The following SCGB2A1 variants were observed in gnomAD, a reference collection of about 807,000 sequenced individuals.
SCGB2A1 encodes the protein secretoglobin family 2A member 1.
Under a neutral mutation model 9.2 loss-of-function variants are expected in SCGB2A1, and 6 were observed. That is an observed-to-expected ratio of 0.66 (90% CI 0.36 to 1.29). SCGB2A1 has a LOEUF of 1.29. SCGB2A1 is among the 50% of genes most tolerant of loss of function. SCGB2A1 has a pLI of 0.03. For missense variants in SCGB2A1, 138 were observed against 116.9 expected, an observed-to-expected ratio of 1.18 and a Z score of -0.83; for synonymous variants, 37 against 41.0, an observed-to-expected ratio of 0.90 and a Z score of 0.37.
chr11:62,210,906 CG>C (rs1265606091), intron 2 of SCGB2A1, among the ~76,000 whole-genome samples: 1 of 149,280 alleles, frequency 6.7e-6, no homozygotes, highest in Non-Finnish European at 1.5e-5. Flanking sequence ...CACAGACACA[CG>C]GGGACAGGCA....
chr11:62,210,298 G>A, intron 1 of SCGB2A1, 115 bp from the exon 2 acceptor site: 2 of 1,293,182 alleles, frequency 1.5e-6, no homozygotes, highest in South Asian at 3.2e-5. Flanking sequence ...CTGAACCTCG[G>A]TCTGTCCCTG....
At position 62,213,913 on chromosome 11, in the gene SCGB2A1, A is replaced by T; in HGVS notation, c.*143A>T. 1.6e-6 allele frequency: 1 copy of T among 621,684 alleles called. No homozygotes were observed. Among genetic ancestry groups the T allele is most frequent in the Non-Finnish European group, 2.8e-6 (1 of 359,650 alleles). 38.5% of individuals were successfully genotyped at this position (621,684 alleles called of 1,614,324 possible). A position where few individuals can be genotyped will look rare whatever the true frequency, so the allele number is the denominator to read the frequency against. Reference sequence around the variant, plus strand: ...CTGTTGAAACCTCAAATTCATTTCCATTTCAATAAACTAACTGCAAATCAC... The same window carrying T: ...CTGTTGAAACCTCAAATTCATTTCCTTTTCAATAAACTAACTGCAAATCAC... On this transcript the variant is annotated 3_prime_UTR_variant, in exon 3 of 3. Transcript: ENST00000244930.
rs570298929 is a variant in SCGB2A1 at position 62,212,990 on chromosome 11, A to G, written c.244-736A>G. 2.4e-4 allele frequency among the ~76,000 whole-genome samples: 32 copies of G among 134,904 alleles called. 1 individual carries two copies. In the South Asian group the frequency reaches 5.4e-3, roughly 23 times the overall value. The allele number at this position is 134,904 out of a possible 152,430, so 88.5% of individuals were successfully genotyped here. A position where few individuals can be genotyped will look rare whatever the true frequency, so the allele number is the denominator to read the frequency against. Reference sequence around the variant, plus strand: ...TGTACACATATATGTGCACATATACATGCATATATGTACACATATATGCAC... The same window carrying G: ...TGTACACATATATGTGCACATATACGTGCATATATGTACACATATATGCAC... On this transcript the variant is annotated intron_variant, in intron 2 of 2. Coordinates refer to ENST00000244930, the MANE Select transcript of SCGB2A1 (RefSeq NM_002407.3).
rs528206660 is a variant in SCGB2A1 at position 62,211,185 on chromosome 11, G to A, written c.243+585G>A. Reference sequence around the variant, plus strand: ...GTGATCTGCCTCCCTTGGCCTCCCAGAGTTCTGAGATTACAGGTCTGAGCC... The same window carrying A: ...GTGATCTGCCTCCCTTGGCCTCCCAAAGTTCTGAGATTACAGGTCTGAGCC... On this transcript the variant is annotated intron_variant, in intron 2 of 2. Transcript: ENST00000244930. Among the ~76,000 whole-genome samples the A allele has an allele frequency of 1.4e-4, 21 of 151,752 alleles. No individual in the cohort carries two copies. In the South Asian group the frequency reaches 4.0e-3, roughly 29 times the overall value.
chr11:62,209,757 C>G (rs760559210), intron 1 of SCGB2A1, among the ~76,000 whole-genome samples: 30 of 151,994 alleles, frequency 2.0e-4, no homozygotes, highest in Non-Finnish European at 3.4e-4. Context: ...TCACTGCAAC[C>G]TCTTCCTCGA....
chr11:62,213,101 TA>T (rs1944851168), intron 2 of SCGB2A1, among the ~76,000 whole-genome samples: 4 of 42,276 alleles, frequency 9.5e-5, no homozygotes, highest in African/African-American at 1.5e-4. Flanking sequence ...CATATATATA[TA>T]TATATTTTTT....
chr11:62,209,805 G>T (rs1278605005), intron 1 of SCGB2A1, among the ~76,000 whole-genome samples: 4 of 152,130 alleles, frequency 2.6e-5, no homozygotes, highest in Non-Finnish European at 5.9e-5. Flanking sequence ...CTCCCGAGTA[G>T]CTGGGACTAC....
rs1554985836 is a variant in SCGB2A1 at position 62,212,992 on chromosome 11, G to GTACA, written c.244-734_244-733insTACA. On this transcript the variant is annotated intron_variant, in intron 2 of 2. Coordinates refer to ENST00000244930, the MANE Select transcript of SCGB2A1 (RefSeq NM_002407.3). ...TACACATATATGTGCACATATACAT[G>GTACA]CATATATGTACACATATATGCACAT... 1.1e-3 allele frequency among the ~76,000 whole-genome samples: 121 copies of GTACA among 112,090 alleles called. 3 individuals carry two copies. The highest frequency in any genetic ancestry group is 4.0e-3 in the African/African-American group (111 of 28,006). 73.5% of individuals were successfully genotyped at this position (112,090 alleles called of 152,430 possible). A position where few individuals can be genotyped will look rare whatever the true frequency, so the allele number is the denominator to read the frequency against.
At chr11:62,213,185 C>T (rs1944853120) in intron 2 of SCGB2A1, among the ~76,000 whole-genome samples, 1 of 150,148 alleles carries the variant, frequency 6.7e-6, no homozygotes, top group African/African-American at 2.4e-5. Context: ...ATCTGCCCTC[C>T]TTGGCTTCCC....
In SCGB2A1 at chr11:62,208,712, C is replaced by T; in HGVS notation, c.-20C>T. ...GATCCCTGCCACGCACGACTGAACA[C>T]AGACAGCAGCCGCCTCGCCATGAAG... On this transcript the variant is annotated 5_prime_UTR_variant, in exon 1 of 3. Coordinates refer to ENST00000244930, the MANE Select transcript of SCGB2A1 (RefSeq NM_002407.3). 3.1e-6 allele frequency: 5 copies of T among 1,613,254 alleles called. No homozygotes were observed. The highest frequency in any genetic ancestry group is 4.2e-6 in the Non-Finnish European group (5 of 1,179,600).
chr11:62,210,059 A>G (rs983235853), intron 1 of SCGB2A1, among the ~76,000 whole-genome samples: 1 of 152,104 alleles, frequency 6.6e-6, no homozygotes, highest in African/African-American at 2.4e-5. Flanking sequence ...TGGAAACCCT[A>G]CCTGATGCTG....
rs1565120340 is a variant in SCGB2A1 at position 62,209,634 on chromosome 11, C to CGT, written c.56-779_56-778insGT. On this transcript the variant is annotated intron_variant, in intron 1 of 2. Transcript: ENST00000244930. ...TCATGAACAAGCTCTATTTCACATT[C>CGT]ATGTGTGTGTGTGTGTGTGTGTGTG... Among the ~76,000 whole-genome samples the CGT allele has an allele frequency of 3.6e-5, 3 of 82,274 alleles. No individual in the cohort carries two copies. In the Admixed American group the frequency reaches 4.3e-4, roughly 12 times the overall value. 54.0% of individuals were successfully genotyped at this position (82,274 alleles called of 152,430 possible). A position where few individuals can be genotyped will look rare whatever the true frequency, so the allele number is the denominator to read the frequency against.
chr11:62,208,854 C>T, intron 1 of SCGB2A1, 68 bp downstream of exon 1: 8 of 1,502,964 alleles, frequency 5.3e-6, no homozygotes, highest in Non-Finnish European at 6.4e-6. Context: ...TAGAAGAACT[C>T]CCAACCTCTA....
At chr11:62,212,059 A>C (rs1944835483) in intron 2 of SCGB2A1, among the ~76,000 whole-genome samples, 1 of 151,798 alleles carries the variant, frequency 6.6e-6, no homozygotes, top group Non-Finnish European at 1.5e-5. Context: ...AGTAGCTGGA[A>C]TTACTGGCAC....
intron 2 of SCGB2A1, among the ~76,000 whole-genome samples, chr11:62,213,012 G>GTGCA (rs140305986): frequency 0.012 from 1,697 of 138,986 alleles, 70 homozygotes; most frequent in African/African-American, 0.044. Context: ...ACACATATAT[G>GTGCA]CACATATATA....
rs770615844 is a variant in SCGB2A1 at position 62,208,822 on chromosome 11, G to C, written c.55+36G>C. The C allele has an allele frequency of 3.1e-6, 5 of 1,605,842 alleles. No homozygotes were observed. In the South Asian group the frequency reaches 5.5e-5, roughly 18 times the overall value. On this transcript the variant is annotated intron_variant, in intron 1 of 2. Transcript: ENST00000244930. Reference sequence around the variant, plus strand: ...GGCAGAGAGGGCTGCTTCTGGGCTAGGAATTGTCACCTGGGCCCCTGTAGA... The same window carrying C: ...GGCAGAGAGGGCTGCTTCTGGGCTACGAATTGTCACCTGGGCCCCTGTAGA...
intron 1 of SCGB2A1, 115 bp from the exon 2 acceptor site, chr11:62,210,298 G>T (rs915472107): frequency 7.7e-7 from 1 of 1,293,182 alleles, no homozygotes; most frequent in Non-Finnish European, 1.0e-6. Context: ...CTGAACCTCG[G>T]TCTGTCCCTG....
At chr11:62,213,514 G>T in intron 2 of SCGB2A1, 1 of 512,600 alleles carries the variant, frequency 2.0e-6, no homozygotes. Flanking sequence ...TGGTAGGGAA[G>T]AGATCCTACA....
intron 2 of SCGB2A1, chr11:62,213,478 G>A: frequency 2.4e-6 from 1 of 410,640 alleles, no homozygotes; most frequent in Non-Finnish European, 4.3e-6. Context: ...AGAATTTTTG[G>A]AGAAAAAAAG....
Sources: allele counts gnomAD v4.1 joint callset (sites outside exome capture counted in the v4.1 genomes callset), GRCh38; gene constraint gnomAD v4.1.1; transcripts MANE v1.5; gene names NCBI Gene and HGNC (gene_info 2026-07-23, HGNC 2026-07-21).